SS18: variants seen among roughly 807,000 people sequenced by gnomAD.
SS18 encodes the protein SS18 subunit of BAF chromatin remodeling complex.
Under a neutral mutation model 72.5 loss-of-function variants are expected in SS18, and 28 were observed. The ratio of observed to expected loss-of-function variants is 0.39; its 90% confidence interval spans 0.29 to 0.53. The LOEUF is 0.53. Among genes scored for constraint, SS18 ranks in the 20% least tolerant of loss-of-function variants. SS18 has a pLI of 0.76. For missense variants in SS18, 518 were observed against 535.3 expected (o/e 0.97, Z 0.32); for synonymous variants, 172 against 164.2 (o/e 1.05, Z -0.37).
Position 26,018,103 on chromosome 18 carries a change from TTA to T in SS18, c.*249_*250del. The stretch of plus-strand genomic sequence containing the variant: ...CAGTTCCAAAATCATTACAAATTGG[TTA>T]TGTCATTGCATTTTCTGTCCAATGT... On this transcript the variant is annotated 3_prime_UTR_variant, in exon 11 of 11. Coordinates refer to ENST00000415083, the MANE Select transcript of SS18 (RefSeq NM_001007559.3). The T allele has an allele frequency of 2.6e-6, 1 of 380,388 alleles. No homozygotes were observed. Among genetic ancestry groups the T allele is most frequent in the Non-Finnish European group, 4.8e-6 (1 of 210,520 alleles). 23.6% of individuals were successfully genotyped at this position (380,388 alleles called of 1,614,324 possible). A position where few individuals can be genotyped will look rare whatever the true frequency, so the allele number is the denominator to read the frequency against.
intron 2 of SS18, among the ~76,000 whole-genome samples, chr18:26,078,553 G>A (rs2054459161): frequency 6.6e-6 from 1 of 152,066 alleles, no homozygotes; most frequent in Non-Finnish European, 1.5e-5. Context: ...AGTACACTGA[G>A]TTTTTTTAAA....
chr18:26,079,214 G>A (rs1476002857), intron 2 of SS18: 1 of 152,162 alleles, frequency 6.6e-6, no homozygotes. Context: ...AGAAAATAAA[G>A]CAAATTCATT....
Position 26,038,605 on chromosome 18 carries a change from T to A in SS18, c.830A>T (p.His277Leu), listed in dbSNP as rs770979393. The change falls in exon 7 of 11, where the codon CAT (histidine) becomes CTT (leucine). Residue 277 changes from histidine (H) to leucine (L), a missense_variant. Coordinates refer to ENST00000415083, the MANE Select transcript of SS18 (RefSeq NM_001007559.3). ...QEDYYGDQYS[H>L]GGQGPPEGMN... ...GCCTTCTGGAGGACCTTGTCCACCA[T>A]GACTGTATTGGTCCCCGTAATAGTC... is the stretch of plus-strand genomic sequence containing the variant. 4 of 1,613,626 alleles carry A rather than the reference T, an allele frequency of 2.5e-6. No individual in the cohort carries two copies. Among genetic ancestry groups the A allele is most frequent in the Admixed American group, 1.7e-5 (1 of 60,004 alleles).
chr18:26,069,402 T>TGAAAGGC (rs2054273875), intron 3 of SS18, among the ~76,000 whole-genome samples: 1 of 151,670 alleles, frequency 6.6e-6, no homozygotes, highest in Non-Finnish European at 1.5e-5. Context: ...ATAATCCATT[T>TGAAAGGC]GAAAGGCAGA....
chr18:26,024,676 T>G (rs914657488), intron 10 of SS18, among the ~76,000 whole-genome samples: 3 of 152,192 alleles, frequency 2.0e-5, no homozygotes. Context: ...GTGACTTGTA[T>G]GATATGTGAT....
At chr18:26,054,415 T>C (rs929843311) in intron 4 of SS18, among the ~76,000 whole-genome samples, 3 of 152,134 alleles carry the variant, frequency 2.0e-5, no homozygotes, top group African/African-American at 4.8e-5. Flanking sequence ...TGCATGCGTA[T>C]TGACACACAG....
chr18:26,076,079 T>C (rs1316666826), intron 3 of SS18, among the ~76,000 whole-genome samples: 2 of 151,734 alleles, frequency 1.3e-5, no homozygotes, highest in African/African-American at 2.4e-5. Context: ...ACTAAATAAA[T>C]GAAAATATAT....
At chr18:26,038,424 C>G in intron 7 of SS18, 131 bp downstream of exon 7, 1 of 765,582 alleles carries the variant, frequency 1.3e-6, no homozygotes. Context: ...CTTTAGAGTA[C>G]TGAAGTGTTT....
intron 3 of SS18, among the ~76,000 whole-genome samples, chr18:26,060,911 G>T (rs1001162293): frequency 2.0e-5 from 3 of 148,202 alleles, no homozygotes; most frequent in Non-Finnish European, 4.4e-5. Context: ...AGCTGAGATC[G>T]CATCACTGCA....
chr18:26,058,983 AC>A (rs1364619525), intron 3 of SS18, among the ~76,000 whole-genome samples: 1 of 152,082 alleles, frequency 6.6e-6, no homozygotes, highest in African/African-American at 2.4e-5. Context: ...GGCTACCTTA[AC>A]CCTCTTCTGT....
intron 4 of SS18, among the ~76,000 whole-genome samples, chr18:26,056,410 A>T (rs886520639): frequency 6.6e-6 from 1 of 152,212 alleles, no homozygotes; most frequent in Non-Finnish European, 1.5e-5. Flanking sequence ...CTACAATATG[A>T]CTACAAACTG....
At chr18:26,024,909 G>C (rs1486583174) in intron 10 of SS18, among the ~76,000 whole-genome samples, 1 of 151,882 alleles carries the variant, frequency 6.6e-6, no homozygotes, top group Admixed American at 6.6e-5. Flanking sequence ...GACTACATAT[G>C]CTGTCTACTT....
chr18:26,041,592 G>A (rs1414663323), intron 5 of SS18, among the ~76,000 whole-genome samples: 34 of 152,068 alleles, frequency 2.2e-4, no homozygotes, highest in Admixed American at 2.2e-3. Flanking sequence ...TAGGTAACCT[G>A]ATCGGACATT....
chr18:26,047,413 T>TA (rs1241864777), intron 5 of SS18, among the ~76,000 whole-genome samples: 19 of 152,170 alleles, frequency 1.2e-4, no homozygotes, highest in Non-Finnish European at 1.9e-4. Context: ...ATTTTACTAG[T>TA]AATTAGTAAA....
upstream of SS18, chr18:26,090,702 CGGGCGGCG>C: frequency 2.1e-6 from 2 of 941,354 alleles, no homozygotes; most frequent in Non-Finnish European, 3.2e-6. Context: ...GCCAAGCGGA[CGGGCGGCG>C]GGGCAGGCCT....
intron 10 of SS18, among the ~76,000 whole-genome samples, chr18:26,021,917 G>A (rs1001214435): frequency 6.6e-6 from 1 of 152,194 alleles, no homozygotes; most frequent in Non-Finnish European, 1.5e-5. Flanking sequence ...ATTTCCAGAA[G>A]AGAGATTGAG....
chr18:26,071,841 A>G (rs952615469), intron 3 of SS18, among the ~76,000 whole-genome samples: 6 of 152,146 alleles, frequency 3.9e-5, no homozygotes, highest in South Asian at 2.1e-4. Flanking sequence ...AGGAAAAAAA[A>G]AAGAATGATG....
chr18:26,034,419 G>A (rs543547077), intron 9 of SS18, among the ~76,000 whole-genome samples: 2 of 152,114 alleles, frequency 1.3e-5, no homozygotes, highest in South Asian at 4.2e-4. Context: ...CAGATATCCA[G>A]GTAGCAGGTA....
intron 10 of SS18, 147 bp from the exon 11 acceptor site, chr18:26,018,527 T>C: frequency 1.8e-6 from 1 of 550,936 alleles, no homozygotes; most frequent in Non-Finnish European, 3.2e-6. Flanking sequence ...TCGTTAGGTA[T>C]ACAGTATCAC....
Sources: gnomAD v4.1 joint callset for allele counts (sites outside exome capture counted in the v4.1 genomes callset) on GRCh38, gnomAD v4.1.1 for gene constraint, MANE v1.5 for transcripts, NCBI Gene and HGNC (gene_info 2026-07-23, HGNC 2026-07-21) for gene names.